MPPED2: variants seen among roughly 807,000 people sequenced by gnomAD.
MPPED2 encodes metallophosphoesterase domain containing 2.
MPPED2 carries 5 observed loss-of-function variants against 33.0 expected under a neutral mutation model. The observed-to-expected ratio is 0.15, with a 90% CI of 0.08 to 0.32. The LOEUF (loss-of-function observed/expected upper bound fraction) is 0.32. Among genes scored for constraint, MPPED2 ranks in the 10% least tolerant of loss-of-function variants. The pLI, the probability that MPPED2 is intolerant of heterozygous loss-of-function variation, is 1.00. For synonymous variants in MPPED2, 136 were observed against 141.9 expected, an observed-to-expected ratio of 0.96 and a Z score of 0.29; for missense variants, 275 against 372.1, an observed-to-expected ratio of 0.74 and a Z score of 2.15.
At chr11:30,567,888 C>T (rs1462402947) in intron 2 of MPPED2, among the ~76,000 whole-genome samples, 2 of 152,192 alleles carry the variant, frequency 1.3e-5, no homozygotes, top group African/African-American at 4.8e-5. Flanking sequence ...ACCAGGTTAA[C>T]AGAGACTCAA....
chr11:30,533,041 GA>G (rs1474973376), intron 3 of MPPED2, among the ~76,000 whole-genome samples: 4 of 152,184 alleles, frequency 2.6e-5, no homozygotes, highest in Middle Eastern at 3.2e-3. Context: ...GAAGCTGCCA[GA>G]AGCTACAGCA....
At chr11:30,541,992 T>A (rs140138555) in intron 2 of MPPED2, among the ~76,000 whole-genome samples, 14 of 152,342 alleles carry the variant, frequency 9.2e-5, no homozygotes, top group African/African-American at 3.1e-4. Context: ...ATTTGTGATG[T>A]TCTATCATCC....
intron 3 of MPPED2, among the ~76,000 whole-genome samples, chr11:30,521,929 C>A (rs1268052527): frequency 6.6e-6 from 1 of 152,094 alleles, no homozygotes; most frequent in Admixed American, 6.6e-5. Context: ...GTTTGCTGGG[C>A]GGGCTGAATG....
chr11:30,386,926 A>G (rs1281247141), exon 7 of MPPED2: 1 of 395,218 alleles, frequency 2.5e-6, no homozygotes, highest in Non-Finnish European at 4.5e-6. Context: ...CACTTGCCTC[A>G]TATATGCCTA....
At chr11:30,437,910 G>A (rs570509241) in intron 4 of MPPED2, among the ~76,000 whole-genome samples, 1 of 152,208 alleles carries the variant, frequency 6.6e-6, no homozygotes, top group South Asian at 2.1e-4. Context: ...ATGAGTAACA[G>A]CATAGACTCT....
intron 4 of MPPED2, among the ~76,000 whole-genome samples, chr11:30,437,262 C>T (rs367816214): frequency 1.3e-4 from 20 of 152,342 alleles, no homozygotes; most frequent in African/African-American, 4.8e-4. Flanking sequence ...TGTTTTAATA[C>T]ATCCCATTCC....
intron 6 of MPPED2, among the ~76,000 whole-genome samples, chr11:30,411,901 A>G (rs953745246): frequency 1.3e-5 from 2 of 151,754 alleles, no homozygotes; most frequent in Non-Finnish European, 2.9e-5. Context: ...TTAAAATAGG[A>G]TTTTCATTTC....
intron 6 of MPPED2, among the ~76,000 whole-genome samples, chr11:30,394,395 A>G (rs1947815258): frequency 6.6e-6 from 1 of 152,192 alleles, no homozygotes; most frequent in African/African-American, 2.4e-5. Flanking sequence ...TAAGTAATGC[A>G]TGGGGATTCC....
chr11:30,473,528 G>A (rs572922152), intron 4 of MPPED2, among the ~76,000 whole-genome samples: 1 of 152,198 alleles, frequency 6.6e-6, no homozygotes, highest in South Asian at 2.1e-4. Context: ...CTAAGATGAT[G>A]GGTAGCCTCT....
exon 7 of MPPED2, chr11:30,388,865 G>T (rs1322951979): frequency 7.8e-6 from 12 of 1,536,684 alleles, no homozygotes; most frequent in African/African-American, 2.7e-5. Context: ...TCAATTAATT[G>T]TGTCTATGCC....
chr11:30,535,335 C>T (rs769362629), intron 3 of MPPED2, among the ~76,000 whole-genome samples: 19 of 152,118 alleles, frequency 1.2e-4, no homozygotes, highest in African/African-American at 3.9e-4. Flanking sequence ...TCTTTCCCTC[C>T]GCTAAGAGGA....
At chr11:30,577,263 C>A (rs1956971574) in intron 2 of MPPED2, among the ~76,000 whole-genome samples, 1 of 152,118 alleles carries the variant, frequency 6.6e-6, no homozygotes, top group Admixed American at 6.6e-5. Context: ...GAAGTGAGCT[C>A]TTCCTAATTA....
At chr11:30,420,800 G>C (rs879486812) in intron 4 of MPPED2, among the ~76,000 whole-genome samples, 1 of 152,042 alleles carries the variant, frequency 6.6e-6, no homozygotes, top group Non-Finnish European at 1.5e-5. Context: ...CTCACCTTCA[G>C]GTTCTTAAAC....
chr11:30,534,368 T>TTCTCTACAATAA (rs1954696657), intron 3 of MPPED2, among the ~76,000 whole-genome samples: 1 of 152,196 alleles, frequency 6.6e-6, no homozygotes, highest in Non-Finnish European at 1.5e-5. Context: ...AAGAGATTAT[T>TTCTCTACAATAA]GTAGAGAAAA....
chr11:30,503,045 C>T (rs1414072811), intron 3 of MPPED2, among the ~76,000 whole-genome samples: 1 of 152,162 alleles, frequency 6.6e-6, no homozygotes, highest in African/African-American at 2.4e-5. Context: ...CAAATCTCAT[C>T]TTGAATTGTA....
At chr11:30,529,231 A>T (rs1954373528) in intron 3 of MPPED2, among the ~76,000 whole-genome samples, 1 of 152,236 alleles carries the variant, frequency 6.6e-6, no homozygotes, top group Admixed American at 6.5e-5. Context: ...GCTATTGAGG[A>T]TATTATAAAA....
intron 2 of MPPED2, among the ~76,000 whole-genome samples, chr11:30,555,366 A>C (rs1296959438): frequency 6.6e-6 from 1 of 152,180 alleles, no homozygotes. Context: ...AGTGTGAGTC[A>C]GTGGCAAGGC....
chr11:30,403,891 G>A (rs2133712919), intron 6 of MPPED2, among the ~76,000 whole-genome samples: 1 of 152,282 alleles, frequency 6.6e-6, no homozygotes, highest in South Asian at 2.1e-4. Context: ...GAAGTGAGAT[G>A]AATTAGAAAA....
intron 3 of MPPED2, among the ~76,000 whole-genome samples, chr11:30,534,600 C>T (rs1279041827): frequency 6.6e-6 from 1 of 152,166 alleles, no homozygotes; most frequent in Non-Finnish European, 1.5e-5. Flanking sequence ...CATGATAAAA[C>T]TAGTACCTAT....
Sources: gnomAD v4.1 joint callset for allele counts (sites outside exome capture counted in the v4.1 genomes callset) on GRCh38, gnomAD v4.1.1 for gene constraint, MANE v1.5 for transcripts, NCBI Gene and HGNC (gene_info 2026-07-23, HGNC 2026-07-21) for gene names.